PFKP: variants seen among roughly 807,000 people sequenced by gnomAD.
The protein encoded by PFKP is ATP-dependent 6-phosphofructokinase, platelet type.
PFKP carries 101 observed loss-of-function variants against 94.3 expected under a neutral mutation model. That is an observed-to-expected ratio of 1.07 (90% CI 0.91 to 1.26). The LOEUF (loss-of-function observed/expected upper bound fraction) is 1.26. PFKP is among the 50% of genes most tolerant of loss of function. The pLI is 0.00. For missense variants in PFKP, 1,145 were observed against 1,103.3 expected (o/e 1.04, Z -0.53); for synonymous variants, 573 against 432.6 (o/e 1.32, Z -4.03).
chr10:3,071,371 T>C (rs1480169706), intron 1 of PFKP, among the ~76,000 whole-genome samples: 1 of 150,684 alleles, frequency 6.6e-6, no homozygotes, highest in African/African-American at 2.5e-5. Flanking sequence ...CAGGCTGTTT[T>C]TGTTTGTTTG....
rs181793418 is a variant in PFKP, at chr10:3,093,860, G to T, written c.187-5415G>T. ...GGGTTTCACCGTGTTAGCCAGGATG[G>T]TCTCCATCTCCTGACCTTGTGATCC... On this transcript the variant is annotated intron_variant, in intron 2 of 21. Coordinates refer to ENST00000381125, the MANE Select transcript of PFKP (RefSeq NM_002627.5). Among the ~76,000 whole-genome samples the T allele has an allele frequency of 4.7e-3, 710 of 152,158 alleles. 14 individuals are homozygous for T. Among genetic ancestry groups the T allele is most frequent in the East Asian group, 0.039 (202 of 5,164 alleles).
At chr10:3,108,887 G>C in intron 9 of PFKP, 94 bp downstream of exon 9, 1 of 917,722 alleles carries the variant, frequency 1.1e-6, no homozygotes, top group Non-Finnish European at 1.8e-6. Flanking sequence ...AGGCTGGCAA[G>C]GTGCTCCCCG....
chr10:3,109,189 C>T (rs1835916082), intron 9 of PFKP, among the ~76,000 whole-genome samples, 166 bp from the exon 10 acceptor site: 1 of 152,306 alleles, frequency 6.6e-6, no homozygotes, highest in African/African-American at 2.4e-5. Context: ...TCCCGTCTTG[C>T]CAGTTCTAAA....
chr10:3,123,321 C>A (rs1050624746), intron 16 of PFKP, among the ~76,000 whole-genome samples: 1 of 152,202 alleles, frequency 6.6e-6, no homozygotes, highest in Non-Finnish European at 1.5e-5. Context: ...ACCACAGCCT[C>A]GTGACTGATT....
At position 3,109,341 on chromosome 10, in the gene PFKP, G is replaced by C; in HGVS notation, c.964-14G>C. The C allele has an allele frequency of 6.2e-7, 1 of 1,608,052 alleles. No individual in the cohort carries two copies. The highest frequency in any genetic ancestry group is 8.5e-7 in the Non-Finnish European group (1 of 1,179,968). On this transcript the variant is annotated splice_polypyrimidine_tract_variant and intron_variant, in intron 9 of 21. Transcript: ENST00000381125. ...CGGGAGGCTGCCCCTGACCCACATG[G>C]ACCTGGTTTCCAGGCCAGCCGCATG...
rs199872099 is a variant in PFKP, at chr10:3,113,329, C to T, written c.1225-43C>T. 1,286 of 1,574,704 alleles carry T rather than the reference C, an allele frequency of 8.2e-4. 21 individuals are homozygous for T. The South Asian group carries it at 0.013, about 16-fold the overall frequency. ...CAAAGTGTGCAGCAAATGGAGCTCACGTGTGCCCGTGACCCAGCACTCACC... is the reference window on the plus strand; with the variant it reads ...CAAAGTGTGCAGCAAATGGAGCTCATGTGTGCCCGTGACCCAGCACTCACC... On this transcript the variant is annotated intron_variant, in intron 12 of 21. Coordinates refer to ENST00000381125, the MANE Select transcript of PFKP (RefSeq NM_002627.5).
intron 2 of PFKP, among the ~76,000 whole-genome samples, chr10:3,097,958 G>A (rs1424532099): frequency 6.6e-6 from 1 of 152,132 alleles, no homozygotes; most frequent in Non-Finnish European, 1.5e-5. Context: ...GCAGTGAGCC[G>A]AGATCGTGCC....
At chr10:3,094,898 A>G (rs1255974560) in intron 2 of PFKP, among the ~76,000 whole-genome samples, 5 of 152,160 alleles carry the variant, frequency 3.3e-5, no homozygotes, top group Admixed American at 3.3e-4. Context: ...AAAAAATAGT[A>G]TTTACTCAGA....
chr10:3,117,169 C>A (rs561053046), intron 14 of PFKP, among the ~76,000 whole-genome samples: 1 of 152,142 alleles, frequency 6.6e-6, no homozygotes, highest in African/African-American at 2.4e-5. Context: ...GTCACGGAGC[C>A]GTGGAGATGG....
intron 2 of PFKP, among the ~76,000 whole-genome samples, chr10:3,084,219 C>A (rs1056029076): frequency 1.3e-5 from 2 of 152,182 alleles, no homozygotes; most frequent in Non-Finnish European, 2.9e-5. Flanking sequence ...ATTCCTGAAA[C>A]CTGTCCAGCC....
chr10:3,135,712 A>C (rs1224422003), intron 20 of PFKP, 24 bp from the exon 21 acceptor site: 6 of 1,437,530 alleles, frequency 4.2e-6, no homozygotes, highest in Non-Finnish European at 5.9e-6. Flanking sequence ...GGGTGTTATT[A>C]ATCTTTTTTA....
At position 3,136,763 on chromosome 10, in the gene PFKP, A is replaced by G. The variant is rs1182774316; in HGVS notation, c.*184A>G. On this transcript the variant is annotated 3_prime_UTR_variant, in exon 22 of 22. Coordinates refer to ENST00000381125, the MANE Select transcript of PFKP (RefSeq NM_002627.5). ...GTGTGTCTCATGCTTTCAGATGTGC[A>G]TATGAGCAGAATTAATTAAACATTT... The G allele has an allele frequency of 3.7e-6, 2 of 542,808 alleles. No individual in the cohort carries two copies. The highest frequency in any genetic ancestry group is 2.2e-5 in the South Asian group (1 of 46,032). The allele number at this position is 542,808 out of a possible 1,614,324, so 33.6% of individuals were successfully genotyped here.
chr10:3,093,508 G>A (rs570195481), intron 2 of PFKP, among the ~76,000 whole-genome samples: 3 of 152,156 alleles, frequency 2.0e-5, no homozygotes, highest in Non-Finnish European at 2.9e-5. Context: ...CGTGCTCACC[G>A]AGCTGGCTGA....
intron 2 of PFKP, among the ~76,000 whole-genome samples, chr10:3,086,226 C>G (rs1833584315): frequency 6.6e-6 from 1 of 152,196 alleles, no homozygotes; most frequent in African/African-American, 2.4e-5. Context: ...GTTCCCGCGG[C>G]CCTGACGCTG....
intron 1 of PFKP, among the ~76,000 whole-genome samples, chr10:3,076,053 A>G (rs1832565755): frequency 6.6e-6 from 1 of 150,428 alleles, no homozygotes; most frequent in Non-Finnish European, 1.5e-5. Flanking sequence ...AAAAACCGGT[A>G]AAAGCAAAAA....
chr10:3,131,782 T>C (rs1564356581), intron 17 of PFKP, among the ~76,000 whole-genome samples: 1 of 152,200 alleles, frequency 6.6e-6, no homozygotes, highest in Non-Finnish European at 1.5e-5. Flanking sequence ...AATTCTGCCA[T>C]TGCGCCCAGT....
Position 3,103,713 on chromosome 10 carries a change from T to TCGTGGGGC in PFKP, c.455-66_455-65insCGTGGGGC, listed in dbSNP as rs1835245171. On this transcript the variant is annotated intron_variant, in intron 4 of 21. Transcript: ENST00000381125. Reference sequence around the variant, plus strand: ...ACCCATGGCCATTCTGCCTCACCCCTAGTGGGGCACCCCCCGAACGCGCCA... The same window carrying TCGTGGGGC: ...ACCCATGGCCATTCTGCCTCACCCCTCGTGGGGCAGTGGGGCACCCCCCGAACGCGCCA... 12 of 1,564,626 alleles carry TCGTGGGGC rather than the reference T, an allele frequency of 7.7e-6. No homozygotes were observed. The Admixed American group carries it at 1.7e-4, about 22-fold the overall frequency.
In PFKP at chr10:3,133,386, T is replaced by A. The variant is rs546616139; in HGVS notation, c.2022+72T>A. 34 of 983,156 alleles carry A rather than the reference T, an allele frequency of 3.5e-5. No homozygotes were observed. The African/African-American group carries it at 4.1e-4, about 12-fold the overall frequency. 60.9% of individuals were successfully genotyped at this position (983,156 alleles called of 1,614,324 possible). On this transcript the variant is annotated intron_variant, in intron 19 of 21. Coordinates refer to ENST00000381125, the MANE Select transcript of PFKP (RefSeq NM_002627.5). The stretch of plus-strand genomic sequence containing the variant: ...CTTTTAAAAGATTAGTGTCTTATTT[T>A]AGCCATTGTGGGGAAAAATGTATAA...
At chr10:3,098,365 G>A (rs1834669840) in intron 2 of PFKP, among the ~76,000 whole-genome samples, 1 of 152,056 alleles carries the variant, frequency 6.6e-6, no homozygotes, top group Non-Finnish European at 1.5e-5. Context: ...AAAAGATGGG[G>A]ATGCATTTAG....
Sources: allele counts gnomAD v4.1 joint callset (sites outside exome capture counted in the v4.1 genomes callset), GRCh38; gene constraint gnomAD v4.1.1; transcripts MANE v1.5; gene names NCBI Gene and HGNC (gene_info 2026-07-23, HGNC 2026-07-21).